The following KDM2B variants were observed in gnomAD, a reference collection of about 807,000 sequenced individuals.
KDM2B encodes lysine-specific demethylase 2B.
In KDM2B, 26 loss-of-function variants were observed where a neutral mutation model predicts 150.0. The ratio of observed to expected loss-of-function variants is 0.17; its 90% confidence interval spans 0.13 to 0.24. KDM2B has a LOEUF of 0.24. Among genes scored for constraint, KDM2B ranks in the 10% least tolerant of loss-of-function variants. The pLI is 1.00. For missense variants in KDM2B, 1,265 were observed against 1,816.9 expected, an observed-to-expected ratio of 0.70 and a Z score of 5.52; for synonymous variants, 734 against 729.5, an observed-to-expected ratio of 1.01 and a Z score of -0.10.
chr12:121,467,387 C>CGGGGAGGGGCCGGCGGGGGA lies in KDM2B; in HGVS notation c.1735-14063_1735-14044dup. On this transcript the variant is annotated intron_variant, in intron 12 of 22. Coordinates refer to ENST00000377071, the MANE Select transcript of KDM2B (RefSeq NM_032590.5). This position sits in a 1 kb window ranked among gnomAD's most constrained non-coding sequence, Gnocchi z 5.1. The stretch of plus-strand genomic sequence containing the variant: ...CCTCGCACGCCCGCGCTGGAGGGGG[C>CGGGGAGGGGCCGGCGGGGGA]GGGGAGGGGCCGGCGGGGGAGGGCC... 9 of 974,528 alleles carry CGGGGAGGGGCCGGCGGGGGA rather than the reference C, an allele frequency of 9.2e-6. No individual in the cohort carries two copies. The highest frequency in any genetic ancestry group is 1.1e-5 in the Non-Finnish European group (9 of 822,660). The allele number at this position is 974,528 out of a possible 1,614,324, so 60.4% of individuals were successfully genotyped here. A position where few individuals can be genotyped will look rare whatever the true frequency, so the allele number is the denominator to read the frequency against.
chr12:121,523,066 CT>C (rs1555306187), intron 8 of KDM2B, among the ~76,000 whole-genome samples: 2 of 152,154 alleles, frequency 1.3e-5, no homozygotes, highest in African/African-American at 4.8e-5. Context: ...CAGCGTGGGG[CT>C]AGGAGATGGG....
At chr12:121,559,219 G>C (rs556132832) in intron 4 of KDM2B, among the ~76,000 whole-genome samples, 1 of 152,184 alleles carries the variant, frequency 6.6e-6, no homozygotes, top group Non-Finnish European at 1.5e-5. Context: ...GGCCTGGGCA[G>C]GCCAAGTGAC....
downstream of KDM2B, among the ~76,000 whole-genome samples, chr12:121,428,207 T>G (rs1014455789): frequency 2.6e-5 from 4 of 152,180 alleles, no homozygotes; most frequent in Non-Finnish European, 5.9e-5. Flanking sequence ...CTTTCTCTTT[T>G]TTTTTTGAAA....
intron 2 of KDM2B, among the ~76,000 whole-genome samples, chr12:121,576,242 C>T (rs1272131232): frequency 2.0e-5 from 3 of 152,066 alleles, no homozygotes; most frequent in Non-Finnish European, 4.4e-5. Flanking sequence ...AAGCCGCGCT[C>T]GGAAAGTAAA....
Position 121,580,548 on chromosome 12 carries a change from G to A in KDM2B, c.126+238C>T, listed in dbSNP as rs1229042168. ...TTTGGAGGGCCGAGTTGCAGGCGGCGGGCGCATCCCGGAGATGGCGGGGCA... is the reference window on the plus strand; with the variant it reads ...TTTGGAGGGCCGAGTTGCAGGCGGCAGGCGCATCCCGGAGATGGCGGGGCA... On this transcript the variant is annotated intron_variant, in intron 1 of 22. Coordinates refer to ENST00000377071, the MANE Select transcript of KDM2B (RefSeq NM_032590.5). 87 of 1,199,812 alleles carry A rather than the reference G, an allele frequency of 7.3e-5. No homozygotes were observed. The East Asian group carries it at 3.0e-3, about 41-fold the overall frequency. The allele number at this position is 1,199,812 out of a possible 1,614,324, so 74.3% of individuals were successfully genotyped here.
At chr12:121,509,117 G>A (rs187760717) in intron 11 of KDM2B, among the ~76,000 whole-genome samples, 46 of 152,218 alleles carry the variant, frequency 3.0e-4, no homozygotes, top group Admixed American at 2.9e-3. Context: ...GGAGTGCAGT[G>A]GTGCGATCTC....
intron 4 of KDM2B, among the ~76,000 whole-genome samples, chr12:121,561,723 C>T (rs1290188858): frequency 6.6e-6 from 1 of 152,158 alleles, no homozygotes; most frequent in Non-Finnish European, 1.5e-5. Flanking sequence ...AAAGTCAAAC[C>T]TACATGTGAC....
In KDM2B at chr12:121,549,359, C is replaced by A; in HGVS notation, c.576+101G>T. On this transcript the variant is annotated intron_variant, in intron 5 of 22. Transcript: ENST00000377071. This position sits in a 1 kb window ranked among gnomAD's most constrained non-coding sequence, Gnocchi z 4.4. ...GCCTGCCAAGCCCAGCCAGCCACAC[C>A]CACATGAGCCTTTTTGCAAGGCACA... The A allele has an allele frequency of 1.8e-6, 2 of 1,131,390 alleles. No homozygotes were observed. The highest frequency in any genetic ancestry group is 2.5e-6 in the Non-Finnish European group (2 of 793,242). The allele number at this position is 1,131,390 out of a possible 1,614,324, so 70.1% of individuals were successfully genotyped here. A position where few individuals can be genotyped will look rare whatever the true frequency, so the allele number is the denominator to read the frequency against.
chr12:121,580,640 G>A, intron 1 of KDM2B, 146 bp downstream of exon 1: 1 of 1,300,118 alleles, frequency 7.7e-7, no homozygotes, highest in Non-Finnish European at 1.0e-6. Context: ...CTCAGCGGGA[G>A]GCGCGGAAAT....
intron 22 of KDM2B, among the ~76,000 whole-genome samples, chr12:121,438,253 CAAA>C (rs35874014): frequency 3.1e-5 from 3 of 97,126 alleles, no homozygotes; most frequent in Non-Finnish European, 2.3e-5. Flanking sequence ...GGCTCCATCT[CAAA>C]AAAAAAAAAA....
chr12:121,527,653 CAAAAAA>C (rs58304715), intron 8 of KDM2B, among the ~76,000 whole-genome samples: 3 of 58,572 alleles, frequency 5.1e-5, no homozygotes, highest in Non-Finnish European at 9.0e-5. Context: ...GACTCCGTCT[CAAAAAA>C]AAAAAAAAAA....
At chr12:121,460,377 C>T (rs1878930247) in intron 12 of KDM2B, among the ~76,000 whole-genome samples, 1 of 152,212 alleles carries the variant, frequency 6.6e-6, no homozygotes, top group Non-Finnish European at 1.5e-5. Context: ...TCCAGTAAGC[C>T]AAGATCGTGC....
Position 121,444,270 on chromosome 12 carries a change from T to C in KDM2B, c.2193A>G (p.Gln731=). The C allele has an allele frequency of 6.2e-7, 1 of 1,613,808 alleles. No individual in the cohort carries two copies. Among genetic ancestry groups the C allele is most frequent in the Non-Finnish European group, 8.5e-7 (1 of 1,179,906 alleles). ...KCNHAGKTGK[Q]KRGPGFKYAS... ...CGTACTTAAAGCCAGGGCCACGCTT[T>C]TGCTTGTAGGCCAAAAAGAGAGAAT... is the stretch of plus-strand genomic sequence containing the variant. Residue 731 remains glutamine, a splice_region_variant and synonymous_variant, in exon 16 of 23, where the codon CAA becomes CAG. Coordinates refer to ENST00000377071, the MANE Select transcript of KDM2B (RefSeq NM_032590.5).
At chr12:121,544,416 C>T (rs1555310300) in intron 6 of KDM2B, among the ~76,000 whole-genome samples, 1 of 152,134 alleles carries the variant, frequency 6.6e-6, no homozygotes, top group Admixed American at 6.5e-5. Flanking sequence ...TCAAGACCAG[C>T]TTGGCCAACA....
chr12:121,507,944 G>A (rs113341274), intron 11 of KDM2B, among the ~76,000 whole-genome samples: 1,888 of 152,280 alleles, frequency 0.012, 39 homozygotes, highest in African/African-American at 0.043. Flanking sequence ...CTGGGAGGTC[G>A]AGGCTGCAGG....
chr12:121,416,265 C>T, the KDM2B span: 1 of 1,614,062 alleles, frequency 6.2e-7, no homozygotes, highest in Non-Finnish European at 8.5e-7. Flanking sequence ...GCCACCGGTC[C>T]ATTCAGATTT....
chr12:121,517,871 C>T (rs555594273), intron 9 of KDM2B, among the ~76,000 whole-genome samples: 11 of 152,138 alleles, frequency 7.2e-5, no homozygotes, highest in African/African-American at 2.4e-4. Flanking sequence ...CCAGGCAAAG[C>T]CATGTTTTAG....
Position 121,509,731 on chromosome 12 carries a change from T to G in KDM2B, c.1483A>C (p.Thr495Pro), listed in dbSNP as rs782225520. 7.4e-6 allele frequency: 12 copies of G among 1,613,756 alleles called. No individual in the cohort carries two copies. The South Asian group carries it at 8.8e-5, about 12-fold the overall frequency. The change falls in exon 11 of 23, where the codon ACC becomes CCC. Residue 495 changes from threonine to proline, a missense_variant. This residue lies in a region of KDM2B where 154 missense variants were observed against 162.5 expected (regional missense o/e 0.95). Coordinates refer to ENST00000377071, the MANE Select transcript of KDM2B (RefSeq NM_032590.5). ...GAGACCTCCGTGGCGGGAGAGCCGG[T>G]GGGGGTCTTGGGGTAGTCTACGGCC... ...TLAVDYPKTP[T>P]GSPATEVSAK...
intron 14 of KDM2B, 88 bp downstream of exon 14, chr12:121,445,187 G>A (rs1265489119): frequency 6.1e-6 from 9 of 1,482,098 alleles, no homozygotes; most frequent in Non-Finnish European, 7.4e-6. Context: ...TTCACTGCAC[G>A]ACCTGCATCC....
Sources: gnomAD v4.1 joint callset for allele counts (sites outside exome capture counted in the v4.1 genomes callset) on GRCh38, gnomAD v4.1.1 for gene constraint, gnomAD v4.1.1 regional missense constraint, Gnocchi (gnomAD v3.1) non-coding constraint, MANE v1.5 for transcripts, NCBI Gene and HGNC (gene_info 2026-07-23, HGNC 2026-07-21) for gene names.